The following LANCL2 variants were observed in gnomAD, a reference collection of about 807,000 sequenced individuals.
LANCL2 encodes lanC-like protein 2.
LANCL2 carries 33 observed loss-of-function variants against 56.9 expected under a neutral mutation model. The ratio of observed to expected loss-of-function variants is 0.58; its 90% CI spans 0.44 to 0.78. The LOEUF is 0.78. Among genes scored for constraint, LANCL2 ranks in the 30% least tolerant of loss-of-function variants. The pLI is 0.00. For synonymous variants in LANCL2, 233 were observed against 228.2 expected (o/e 1.02, Z -0.19); for missense variants, 562 against 580.2 (o/e 0.97, Z 0.32).
Position 55,366,170 on chromosome 7 carries a change from T to C in LANCL2, c.145T>C (p.Cys49Arg). Residue 49 changes from cysteine (C) to arginine (R), a missense_variant, in exon 1 of 9, where the codon TGT becomes CGT. Around this residue, in one of 2 missense-constraint regions of LANCL2, gnomAD observed 184 missense variants for 111.8 expected, o/e 1.65. Coordinates refer to ENST00000254770, the MANE Select transcript of LANCL2 (RefSeq NM_018697.4). ...CTCCGGAGCGGCCGAAGAGACAGGC[T>C]GTGTTCGTCCCCCGGCGACCACGGA... The part of the protein sequence containing the change: ...LASGAAEETG[C>R]VRPPATTDEP... The C allele has an allele frequency of 1.3e-6, 2 of 1,559,514 alleles. No individual in the cohort carries two copies. The highest frequency in any genetic ancestry group is 1.7e-6 in the Non-Finnish European group (2 of 1,151,166).
chr7:55,423,287 T>C lies in LANCL2; in HGVS notation c.1009-1967T>C, dbSNP rs972769027. Among the ~76,000 whole-genome samples the C allele has an allele frequency of 2.6e-5, 4 of 152,198 alleles. No individual in the cohort carries two copies. In the East Asian group the frequency reaches 7.7e-4, roughly 29 times the overall value. Reference sequence around the variant, plus strand: ...CTGAGAAGCAGCAGTGCAGGCTGCATTGTGGGCATGGCTCTAGCAGCCTCA... The same window carrying C: ...CTGAGAAGCAGCAGTGCAGGCTGCACTGTGGGCATGGCTCTAGCAGCCTCA... On this transcript the variant is annotated intron_variant, in intron 6 of 8. Transcript: ENST00000254770.
intron 1 of LANCL2, among the ~76,000 whole-genome samples, chr7:55,373,316 G>A (rs1211878482): frequency 7.6e-6 from 1 of 130,916 alleles, no homozygotes; most frequent in Admixed American, 7.5e-5. Flanking sequence ...TTTGAGACAG[G>A]GTCTCATTCT....
chr7:55,399,405 G>A (rs961389161), intron 3 of LANCL2, among the ~76,000 whole-genome samples: 9 of 149,082 alleles, frequency 6.0e-5, no homozygotes, highest in Admixed American at 3.4e-4. Context: ...GTGCAATGGC[G>A]CGATCTCAGC....
chr7:55,411,803 CT>C, intron 5 of LANCL2, 103 bp from the exon 6 acceptor site: 12 of 1,129,400 alleles, frequency 1.1e-5, no homozygotes, highest in Admixed American at 2.6e-5. Flanking sequence ...ATTTTATGTG[CT>C]TTTTTTGTTT....
chr7:55,428,285 C>T, intron 7 of LANCL2, 90 bp from the exon 8 acceptor site: 1 of 1,166,498 alleles, frequency 8.6e-7, no homozygotes, highest in Non-Finnish European at 1.3e-6. Flanking sequence ...GGTCCACTTC[C>T]CTGATGCCTG....
At chr7:55,379,002 G>T (rs542058418) in intron 1 of LANCL2, among the ~76,000 whole-genome samples, 1 of 152,272 alleles carries the variant, frequency 6.6e-6, no homozygotes, top group South Asian at 2.1e-4. Flanking sequence ...CTGGTTGCAG[G>T]CGCCTGTAGT....
At chr7:55,392,048 A>G in intron 2 of LANCL2, 138 bp downstream of exon 2, 1 of 499,552 alleles carries the variant, frequency 2.0e-6, no homozygotes, top group Non-Finnish European at 3.7e-6. Flanking sequence ...ATCCCAGCAC[A>G]TTTGGAGGCC....
chr7:55,383,816 AAG>A (rs1178245129), intron 1 of LANCL2, among the ~76,000 whole-genome samples: 4 of 151,134 alleles, frequency 2.6e-5, no homozygotes, highest in Non-Finnish European at 5.9e-5. Flanking sequence ...CATACTGGGC[AAG>A]AGAGTGAGAC....
intron 5 of LANCL2, among the ~76,000 whole-genome samples, chr7:55,409,380 T>C (rs1015591885): frequency 7.9e-5 from 12 of 152,152 alleles, no homozygotes; most frequent in African/African-American, 1.9e-4. Context: ...TGAGCCACCG[T>C]GCCCGGCCAA....
intron 1 of LANCL2, among the ~76,000 whole-genome samples, chr7:55,381,443 T>C (rs1364995995): frequency 6.6e-6 from 1 of 152,210 alleles, no homozygotes; most frequent in Non-Finnish European, 1.5e-5. Flanking sequence ...AATGCGTGTC[T>C]GGAACAGACC....
intron 1 of LANCL2, among the ~76,000 whole-genome samples, chr7:55,376,289 T>G (rs922044294): frequency 6.6e-6 from 1 of 151,930 alleles, no homozygotes; most frequent in African/African-American, 2.4e-5. Context: ...ACTGTAGAGT[T>G]TTTATGATAG....
At chr7:55,399,102 A>G (rs1255116163) in intron 3 of LANCL2, among the ~76,000 whole-genome samples, 2 of 152,028 alleles carry the variant, frequency 1.3e-5, no homozygotes, top group East Asian at 3.9e-4. Flanking sequence ...CTAGTCAGTT[A>G]ATGTTTGTTG....
At chr7:55,422,479 T>C (rs189277400) in intron 6 of LANCL2, among the ~76,000 whole-genome samples, 39 of 152,352 alleles carry the variant, frequency 2.6e-4, no homozygotes, top group African/African-American at 7.9e-4. Flanking sequence ...GTTACATGCC[T>C]AGATGTATTT....
chr7:55,383,210 G>A (rs1790088213), intron 1 of LANCL2, among the ~76,000 whole-genome samples: 1 of 152,170 alleles, frequency 6.6e-6, no homozygotes. Context: ...TATGTGGAGT[G>A]GTTTTAAGGA....
rs557842338 is a variant in LANCL2, at chr7:55,429,794, G to C, written c.1258+1347G>C. ...CCCCAGTGGGTCAAAAGCTTTGGAT[G>C]TACAGCTCCCTAAAGGCGGGAAGTT... On this transcript the variant is annotated intron_variant, in intron 8 of 8. Coordinates refer to ENST00000254770, the MANE Select transcript of LANCL2 (RefSeq NM_018697.4). 5.3e-5 allele frequency among the ~76,000 whole-genome samples: 8 copies of C among 152,380 alleles called. No individual in the cohort carries two copies. In the East Asian group the frequency reaches 1.3e-3, roughly 26 times the overall value.
In LANCL2 at chr7:55,368,562, AT is replaced by A. The variant is rs1408010866; in HGVS notation, c.204+2339del. 4.0e-5 allele frequency among the ~76,000 whole-genome samples: 6 copies of A among 151,788 alleles called. No homozygotes were observed. In the South Asian group the frequency reaches 8.3e-4, roughly 21 times the overall value. ...GTTGAACACTGTCTTCCCTATTAAT[AT>A]TTTTTATGATTGACATTAAATTTTT... is the stretch of plus-strand genomic sequence containing the variant. On this transcript the variant is annotated intron_variant, in intron 1 of 8. Coordinates refer to ENST00000254770, the MANE Select transcript of LANCL2 (RefSeq NM_018697.4).
chr7:55,387,874 A>G (rs1790143736), intron 1 of LANCL2, among the ~76,000 whole-genome samples: 1 of 152,202 alleles, frequency 6.6e-6, no homozygotes, highest in Non-Finnish European at 1.5e-5. Flanking sequence ...TTCTTATTAT[A>G]CCCTTCCTTA....
chr7:55,380,434 TA>T (rs1790053848), intron 1 of LANCL2, among the ~76,000 whole-genome samples: 1 of 151,518 alleles, frequency 6.6e-6, no homozygotes, highest in African/African-American at 2.4e-5. Context: ...TTTTTTAACT[TA>T]AAAGGTGTTT....
intron 6 of LANCL2, among the ~76,000 whole-genome samples, chr7:55,423,676 C>T (rs1426707328): frequency 6.6e-6 from 1 of 152,192 alleles, no homozygotes; most frequent in African/African-American, 2.4e-5. Flanking sequence ...TGGATGTGAT[C>T]ACATTTTAAT....
Sources: gnomAD v4.1 joint callset for allele counts (sites outside exome capture counted in the v4.1 genomes callset) on GRCh38, gnomAD v4.1.1 for gene constraint, gnomAD v4.1.1 regional missense constraint, MANE v1.5 for transcripts, NCBI Gene and HGNC (gene_info 2026-07-23, HGNC 2026-07-21) for gene names.